COL5A3: variants seen among roughly 807,000 people sequenced by gnomAD.
COL5A3 encodes the protein collagen alpha-3(V) chain.
COL5A3 carries 172 observed loss-of-function variants against 250.0 expected under a neutral mutation model. The ratio of observed to expected loss-of-function variants is 0.69; its 90% confidence interval spans 0.61 to 0.78. The LOEUF is 0.78. Among genes scored for constraint, COL5A3 ranks in the 30% least tolerant of loss-of-function variants. The pLI is 0.00. For synonymous variants in COL5A3, 937 were observed against 900.4 expected (o/e 1.04, Z -0.73); for missense variants, 2,340 against 2,334.4 (o/e 1.00, Z -0.05).
chr19:9,999,050 TTC>T (rs2087314971), intron 8 of COL5A3, among the ~76,000 whole-genome samples: 2 of 125,100 alleles, frequency 1.6e-5, no homozygotes, highest in Non-Finnish European at 3.3e-5. Context: ...TTCTCTTTCT[TTC>T]TCTTTTTCTT....
intron 44 of COL5A3, 72 bp from the exon 45 acceptor site, chr19:9,976,683 C>T (rs2095220672): frequency 1.6e-5 from 18 of 1,105,634 alleles, no homozygotes; most frequent in African/African-American, 1.1e-4. Flanking sequence ...AGCTATCAAT[C>T]ACTGCCTCCC....
In COL5A3 at chr19:10,005,870, T is replaced by G. The variant is rs2087434985; in HGVS notation, c.363A>C (p.Ala121=). ...CTAGGAGACCCAGCGCTGGCCCCAG[T>G]GCCAGGCCCAACTGCCGGGCACCCC... The part of the protein sequence containing the change: ...DERGARQLGL[A]LGPALGLLGD... The change falls in exon 3 of 67, where the codon GCA becomes GCC. Residue 121 remains alanine (A), a synonymous_variant. Coordinates refer to ENST00000264828, the MANE Select transcript of COL5A3 (RefSeq NM_015719.4). 3.7e-6 allele frequency: 6 copies of G among 1,613,726 alleles called. No homozygotes were observed. The highest frequency in any genetic ancestry group is 5.1e-6 in the Non-Finnish European group (6 of 1,179,992).
rs552187023 is a variant in COL5A3, at chr19:9,960,202, T to C, written c.*209A>G. On this transcript the variant is annotated 3_prime_UTR_variant, in exon 67 of 67. Coordinates refer to ENST00000264828, the MANE Select transcript of COL5A3 (RefSeq NM_015719.4). ...CCAGACTGCAGTATGCCACCTGGAA[T>C]GGGGTGAGAGGAGGCTGGACCCTTG... 1.8e-5 allele frequency: 11 copies of C among 615,316 alleles called. No homozygotes were observed. In the Admixed American group the frequency reaches 3.0e-4, roughly 17 times the overall value. 38.1% of individuals were successfully genotyped at this position (615,316 alleles called of 1,614,324 possible).
chr19:10,003,442 A>C (rs2087392050), intron 6 of COL5A3, 123 bp downstream of exon 6: 4 of 967,202 alleles, frequency 4.1e-6, no homozygotes, highest in Non-Finnish European at 6.4e-6. Context: ...AAGATCATAG[A>C]TGAGGGACCA....
At chr19:9,991,286 G>A (rs2145119685) in intron 24 of COL5A3, among the ~76,000 whole-genome samples, 1 of 152,328 alleles carries the variant, frequency 6.6e-6, no homozygotes, top group East Asian at 1.9e-4. Context: ...GTGTCTGCCA[G>A]GGAAGGCGGA....
intron 19 of COL5A3, 123 bp from the exon 20 acceptor site, chr19:9,993,190 G>A: frequency 8.4e-7 from 1 of 1,196,204 alleles, no homozygotes; most frequent in East Asian, 2.3e-5. Flanking sequence ...GGAACCTGCA[G>A]ACTAAGTTCA....
intron 64 of COL5A3, among the ~76,000 whole-genome samples, chr19:9,965,995 G>A (rs1599526732): frequency 1.0e-5 from 1 of 98,062 alleles, no homozygotes; most frequent in African/African-American, 3.6e-5. Context: ...CACCATGCCC[G>A]CCAGTTTTTT....
chr19:9,997,763 T>A (rs115047588), intron 10 of COL5A3, among the ~76,000 whole-genome samples: 4,528 of 152,050 alleles, frequency 0.03, 227 homozygotes, highest in African/African-American at 0.1. Context: ...CACTATTTTT[T>A]AAAAAAATAT....
chr19:9,989,113 G>A lies in COL5A3; in HGVS notation c.2145+11C>T, dbSNP rs183897695. 7.6e-4 allele frequency: 1,227 copies of A among 1,613,776 alleles called. 4 individuals are homozygous for A. The Middle Eastern group carries it at 0.017, about 22-fold the overall frequency. On this transcript the variant is annotated intron_variant, in intron 27 of 66. Coordinates refer to ENST00000264828, the MANE Select transcript of COL5A3 (RefSeq NM_015719.4). ...TGGTAAATCACTCATACCTGCAAGCGTATCACCTACCTTCACTCCCCGAGG... is the reference window on the plus strand; with the variant it reads ...TGGTAAATCACTCATACCTGCAAGCATATCACCTACCTTCACTCCCCGAGG...
At position 9,977,351 on chromosome 19, in the gene COL5A3, T is replaced by C; in HGVS notation, c.3234+14A>G. The C allele has an allele frequency of 6.2e-6, 10 of 1,609,046 alleles. No homozygotes were observed. The highest frequency in any genetic ancestry group is 3.3e-5 in the South Asian group (3 of 90,598). On this transcript the variant is annotated intron_variant, in intron 43 of 66. Transcript: ENST00000264828. ...CATCCTCCCCTGGACCCTTCCTCTC[T>C]GTGAACCCCTCACCTTGTCCCCTTC...
At chr19:9,963,377 C>T (rs752119201) in intron 64 of COL5A3, among the ~76,000 whole-genome samples, 1 of 151,230 alleles carries the variant, frequency 6.6e-6, no homozygotes, top group African/African-American at 2.4e-5. Context: ...CATGTACCCC[C>T]ATGCCCAGCT....
In COL5A3 at chr19:9,970,120, A is replaced by G. The variant is rs552469177; in HGVS notation, c.3937-198T>C. Among the ~76,000 whole-genome samples the G allele has an allele frequency of 5.9e-3, 49 of 8,272 alleles. 1 individual carries two copies. The highest frequency in any genetic ancestry group is 0.015 in the African/African-American group (13 of 888). 5.4% of individuals were successfully genotyped at this position (8,272 alleles called of 152,430 possible). A position where few individuals can be genotyped will look rare whatever the true frequency, so the allele number is the denominator to read the frequency against. On this transcript the variant is annotated intron_variant, in intron 54 of 66. Coordinates refer to ENST00000264828, the MANE Select transcript of COL5A3 (RefSeq NM_015719.4). ...CTGAGTGGAGGCTGTGGGTGAGTGG[A>G]GGCTGTGGGTGAGTGGAGGCTGTGG... is the stretch of plus-strand genomic sequence containing the variant.
At chr19:9,993,584 G>C in intron 18 of COL5A3, 35 bp downstream of exon 18, 1 of 1,610,292 alleles carries the variant, frequency 6.2e-7, no homozygotes, top group Non-Finnish European at 8.5e-7. Flanking sequence ...TTGGGAGGAG[G>C]GCTTAGACTT....
At chr19:9,969,128 G>A (rs1359230674) in intron 57 of COL5A3, among the ~76,000 whole-genome samples, 2 of 152,122 alleles carry the variant, frequency 1.3e-5, no homozygotes, top group African/African-American at 4.8e-5. Context: ...GATGGGCAGT[G>A]TAGATCATCA....
chr19:9,996,317 C>T, intron 13 of COL5A3, 55 bp from the exon 14 acceptor site: 29 of 1,544,718 alleles, frequency 1.9e-5, no homozygotes, highest in Non-Finnish European at 2.4e-5. Flanking sequence ...CCCAACATTC[C>T]CCACAGAGGC....
chr19:9,969,621 G>C lies in COL5A3; in HGVS notation c.4052C>G (p.Pro1351Arg). ...RTGPMGARGP[P>R]GRVGPEGLRG... ...AAGACCCTCAGGCCCCACACGTCCA[G>C]GGGGCCCTCTAGCCCCCATTGGACC... Residue 1351 changes from proline (P) to arginine (R), a missense_variant, in exon 56 of 67, where the codon CCT (proline) becomes CGT (arginine). By Grantham distance (103) the Pro-to-Arg change is moderately radical. Coordinates refer to ENST00000264828, the MANE Select transcript of COL5A3 (RefSeq NM_015719.4). 6.2e-7 allele frequency: 1 copy of C among 1,600,746 alleles called. No individual in the cohort carries two copies. The highest frequency in any genetic ancestry group is 8.5e-7 in the Non-Finnish European group (1 of 1,176,558).
At chr19:9,961,734 A>AT (rs541331918) in intron 65 of COL5A3, among the ~76,000 whole-genome samples, 51 of 150,748 alleles carry the variant, frequency 3.4e-4, no homozygotes, top group Non-Finnish European at 6.8e-4. Context: ...AATTTTTTGT[A>AT]TTTTTAGTAG....
chr19:9,983,091 C>A (rs1221910356), intron 31 of COL5A3, among the ~76,000 whole-genome samples: 1 of 151,988 alleles, frequency 6.6e-6, no homozygotes, highest in Middle Eastern at 3.2e-3. Context: ...GAACTCCCGG[C>A]CTCTAGTGAT....
Position 9,968,118 on chromosome 19 carries a change from C to T in COL5A3, c.4315-39G>A, listed in dbSNP as rs770447770. 34 of 1,554,072 alleles carry T rather than the reference C, an allele frequency of 2.2e-5. No individual in the cohort carries two copies. Among genetic ancestry groups the T allele is most frequent in the Non-Finnish European group, 2.9e-5 (33 of 1,145,984 alleles). On this transcript the variant is annotated intron_variant, in intron 59 of 66. Coordinates refer to ENST00000264828, the MANE Select transcript of COL5A3 (RefSeq NM_015719.4). The surrounding 1 kb of genome is among the most constrained non-coding windows in gnomAD (Gnocchi z 4.1). ...ATCGGGTCAGTATTGGTGGGGTACA[C>T]CCTATTGCCCTGACACATCCCCCAG... is the stretch of plus-strand genomic sequence containing the variant.
Sources: gnomAD v4.1 joint callset for allele counts (sites outside exome capture counted in the v4.1 genomes callset) on GRCh38, gnomAD v4.1.1 for gene constraint, Gnocchi (gnomAD v3.1) non-coding constraint, MANE v1.5 for transcripts, NCBI Gene and HGNC (gene_info 2026-07-23, HGNC 2026-07-21) for gene names.